The following ACTN2 variants were observed in gnomAD, a reference collection of about 807,000 sequenced individuals.
ACTN2 encodes the protein alpha-actinin-2.
In ACTN2, 39 loss-of-function variants were observed where a neutral mutation model predicts 113.8. The ratio of observed to expected loss-of-function variants is 0.34; its 90% CI spans 0.27 to 0.45. The LOEUF is 0.45. ACTN2 is among the 20% of genes least tolerant of loss of function. ACTN2 has a pLI of 1.00. For synonymous variants in ACTN2, 429 were observed against 444.1 expected, an observed-to-expected ratio of 0.97 and a Z score of 0.43; for missense variants, 992 against 1,177.9, an observed-to-expected ratio of 0.84 and a Z score of 2.31.
At chr1:236,740,191 G>A (rs1659026880) in intron 10 of ACTN2, among the ~76,000 whole-genome samples, 1 of 151,972 alleles carries the variant, frequency 6.6e-6, no homozygotes, top group South Asian at 2.1e-4. Flanking sequence ...TCAGCTCACT[G>A]CAAGCTCCGC....
At chr1:236,718,240 C>T (rs958254194) in intron 2 of ACTN2, among the ~76,000 whole-genome samples, 5 of 152,232 alleles carry the variant, frequency 3.3e-5, no homozygotes, top group Admixed American at 2.0e-4. Flanking sequence ...AATGACTTCA[C>T]ACGACTCCCT....
chr1:236,699,284 T>G (rs1474410545), intron 1 of ACTN2, among the ~76,000 whole-genome samples: 1 of 152,152 alleles, frequency 6.6e-6, no homozygotes, highest in Admixed American at 6.5e-5. Context: ...ATTTTTTAAT[T>G]TCTAAACTGG....
chr1:236,760,908 G>C lies in ACTN2; in HGVS notation c.2368-107G>C, dbSNP rs994710935. On this transcript the variant is annotated intron_variant, in intron 19 of 20. Coordinates refer to ENST00000366578, the MANE Select transcript of ACTN2 (RefSeq NM_001103.4). ...GAAGGGAAACGCAGGTAATAATTCA[G>C]TTTTCAGACATAAAGGAATTGGCAT... 13 of 1,434,208 alleles carry C rather than the reference G, an allele frequency of 9.1e-6. No individual in the cohort carries two copies. In the African/African-American group the frequency reaches 1.8e-4, roughly 20 times the overall value. 88.8% of individuals were successfully genotyped at this position (1,434,208 alleles called of 1,614,324 possible).
intron 1 of ACTN2, among the ~76,000 whole-genome samples, chr1:236,707,572 T>C (rs774715408): frequency 5.3e-5 from 8 of 152,316 alleles, no homozygotes; most frequent in South Asian, 4.1e-4. Context: ...TGCTCTTCTT[T>C]GTATTTCTAT....
chr1:236,721,788 C>T (rs1039341545), intron 4 of ACTN2, among the ~76,000 whole-genome samples: 2 of 152,080 alleles, frequency 1.3e-5, no homozygotes, highest in Non-Finnish European at 1.5e-5. Flanking sequence ...CTAGCAAATC[C>T]TTTTTCCACA....
At chr1:236,713,147 G>A (rs2102886316) in intron 1 of ACTN2, among the ~76,000 whole-genome samples, 1 of 151,396 alleles carries the variant, frequency 6.6e-6, no homozygotes, top group East Asian at 1.9e-4. Context: ...ACACTACAGT[G>A]GAATACTATA....
chr1:236,700,605 A>G (rs1657644810), intron 1 of ACTN2, among the ~76,000 whole-genome samples: 1 of 152,154 alleles, frequency 6.6e-6, no homozygotes, highest in East Asian at 1.9e-4. Context: ...CCTTAGCTCC[A>G]CTGACCATTG....
chr1:236,746,467 G>C (rs932725844), intron 12 of ACTN2, among the ~76,000 whole-genome samples: 2 of 152,036 alleles, frequency 1.3e-5, no homozygotes, highest in African/African-American at 4.8e-5. Flanking sequence ...TTGTACTTTG[G>C]GAGGCTGAGG....
At chr1:236,717,300 G>A (rs1658248696) in intron 1 of ACTN2, among the ~76,000 whole-genome samples, 1 of 152,144 alleles carries the variant, frequency 6.6e-6, no homozygotes, top group Admixed American at 6.5e-5. Context: ...AGCTAGGTGT[G>A]GTCGTGCATG....
At chr1:236,708,071 A>G (rs1657888717) in intron 1 of ACTN2, among the ~76,000 whole-genome samples, 1 of 151,988 alleles carries the variant, frequency 6.6e-6, no homozygotes, top group Non-Finnish European at 1.5e-5. Flanking sequence ...ACTTGTCCAC[A>G]CTAGACACTA....
At chr1:236,690,705 G>A (rs539886512) in intron 1 of ACTN2, among the ~76,000 whole-genome samples, 18 of 152,168 alleles carry the variant, frequency 1.2e-4, no homozygotes, top group Non-Finnish European at 2.5e-4. Flanking sequence ...GGACTTGTGA[G>A]CATGAGATTT....
rs376883077 is a variant in ACTN2 at position 236,709,253 on chromosome 1, T to TACACACAC, written c.127-8604_127-8603insCACACACA. On this transcript the variant is annotated intron_variant, in intron 1 of 20. Transcript: ENST00000366578. ...ATATATATATATATATATATATATA[T>TACACACAC]ATACACACACACACACACATATATA... is the stretch of plus-strand genomic sequence containing the variant. 2.1e-4 allele frequency among the ~76,000 whole-genome samples: 15 copies of TACACACAC among 70,204 alleles called. No individual in the cohort carries two copies. The East Asian group carries it at 2.2e-3, about 10-fold the overall frequency. 46.1% of individuals were successfully genotyped at this position (70,204 alleles called of 152,430 possible).
At chr1:236,740,181 T>G (rs906882239) in intron 10 of ACTN2, among the ~76,000 whole-genome samples, 2 of 152,120 alleles carry the variant, frequency 1.3e-5, no homozygotes, top group African/African-American at 4.8e-5. Flanking sequence ...TGGCGTGATC[T>G]CAGCTCACTG....
intron 9 of ACTN2, 105 bp downstream of exon 9, chr1:236,737,319 T>TATATATATATATATA: frequency 1.5e-5 from 2 of 130,382 alleles, no homozygotes; most frequent in African/African-American, 3.7e-5. Flanking sequence ...ATATATATAT[T>TATATATATATATATA]TTGCATTTTT....
intron 1 of ACTN2, among the ~76,000 whole-genome samples, chr1:236,693,179 A>G (rs12410300): frequency 4.1e-4 from 6 of 14,514 alleles, no homozygotes; most frequent in South Asian, 3.2e-3. Context: ...GCACACATGC[A>G]CACACACACA....
intron 1 of ACTN2, among the ~76,000 whole-genome samples, chr1:236,709,368 G>GTA (rs370579623): frequency 0.14 from 19,406 of 137,060 alleles, 2,488 homozygotes; most frequent in African/African-American, 0.32. Flanking sequence ...ACGTGTGTGT[G>GTA]TATATATATA....
intron 8 of ACTN2, 24 bp downstream of exon 8, chr1:236,735,744 G>A (rs1658853653): frequency 1.9e-6 from 3 of 1,604,170 alleles, no homozygotes; most frequent in Non-Finnish European, 2.6e-6. Context: ...GTCCGTCCGG[G>A]CTGTTGTGTT....
chr1:236,706,087 C>A (rs1188146459), intron 1 of ACTN2, among the ~76,000 whole-genome samples: 1 of 150,452 alleles, frequency 6.6e-6, no homozygotes, highest in Non-Finnish European at 1.5e-5. Context: ...TGTGAGGTTG[C>A]CTGTTATTTT....
At chr1:236,731,707 T>G (rs1327017706) in intron 7 of ACTN2, among the ~76,000 whole-genome samples, 4 of 152,236 alleles carry the variant, frequency 2.6e-5, no homozygotes, top group Admixed American at 2.6e-4. Context: ...GTGACATACT[T>G]AAGAGAAAAA....
Sources: allele counts gnomAD v4.1 joint callset (sites outside exome capture counted in the v4.1 genomes callset), GRCh38; gene constraint gnomAD v4.1.1; transcripts MANE v1.5; gene names NCBI Gene and HGNC (gene_info 2026-07-23, HGNC 2026-07-21).